Variants in ZC3H18 observed in about 807,000 individuals in gnomAD.
The protein encoded by ZC3H18 is zinc finger CCCH-type containing 18, also known as zinc finger CCCH domain-containing protein 18.
In ZC3H18, 8 loss-of-function variants were observed where a neutral mutation model predicts 106.1. The observed-to-expected ratio is 0.08, with a 90% confidence interval of 0.04 to 0.14. ZC3H18 has a LOEUF of 0.14. Ranked by LOEUF, ZC3H18 falls within the 10% of genes least tolerant of loss-of-function variation. The probability of loss-of-function intolerance (pLI) is 1.00; values close to 1 mark genes in which losing one functional copy is unlikely to be tolerated. For synonymous variants in ZC3H18, 635 were observed against 522.1 expected, an observed-to-expected ratio of 1.22 and a Z score of -2.95; for missense variants, 1,318 against 1,278.4, an observed-to-expected ratio of 1.03 and a Z score of -0.47.
chr16:88,572,862 A>G (rs546718482), intron 1 of ZC3H18, among the ~76,000 whole-genome samples: 5 of 152,046 alleles, frequency 3.3e-5, no homozygotes, highest in African/African-American at 1.2e-4. Flanking sequence ...GGTTCAAGTG[A>G]TTCTCCTGCC....
chr16:88,578,869 G>T (rs762586937), intron 2 of ZC3H18, among the ~76,000 whole-genome samples: 2 of 152,132 alleles, frequency 1.3e-5, no homozygotes, highest in African/African-American at 2.4e-5. Context: ...TGTATTTTTC[G>T]TAGAGATGAG....
At chr16:88,600,003 C>A in intron 6 of ZC3H18, 55 bp downstream of exon 6, 1 of 1,596,928 alleles carries the variant, frequency 6.3e-7, no homozygotes, top group South Asian at 1.1e-5. Context: ...GGCCACGCTC[C>A]GGAGAGAGCA....
intron 2 of ZC3H18, 75 bp from the exon 3 acceptor site, chr16:88,586,525 C>A: frequency 8.1e-7 from 1 of 1,237,790 alleles, no homozygotes; most frequent in Non-Finnish European, 1.2e-6. Context: ...CAGCTTCCTG[C>A]CCCTTCTGGT....
chr16:88,612,063 G>A (rs1905302834), intron 8 of ZC3H18, among the ~76,000 whole-genome samples: 1 of 152,146 alleles, frequency 6.6e-6, no homozygotes, highest in Non-Finnish European at 1.5e-5. Context: ...CGGAGTGGGT[G>A]CCTTGGGTGC....
intron 3 of ZC3H18, among the ~76,000 whole-genome samples, chr16:88,595,474 C>CTT (rs11302563): frequency 0.021 from 2,771 of 133,420 alleles, 39 homozygotes; most frequent in Non-Finnish European, 0.03. Flanking sequence ...TTCTTTCTTT[C>CTT]TTTTTTTTTT....
chr16:88,587,666 C>G, intron 3 of ZC3H18: 1 of 1,462,548 alleles, frequency 6.8e-7, no homozygotes, highest in Non-Finnish European at 9.3e-7. Context: ...CCCCCTACTC[C>G]AGAGGCCAGA....
intron 1 of ZC3H18, among the ~76,000 whole-genome samples, chr16:88,574,208 G>A (rs1914591346): frequency 6.6e-6 from 1 of 151,638 alleles, no homozygotes; most frequent in Admixed American, 6.6e-5. Flanking sequence ...AATTTTAAAT[G>A]ATTTGAATTT....
At chr16:88,628,197 TG>T in intron 15 of ZC3H18, 78 bp downstream of exon 15, 1 of 1,537,394 alleles carries the variant, frequency 6.5e-7, no homozygotes, top group Non-Finnish European at 8.8e-7. Context: ...AGCTTCCTCC[TG>T]GGGGACGGAG....
chr16:88,599,040 C>T (rs781468028), intron 5 of ZC3H18, among the ~76,000 whole-genome samples: 11 of 152,098 alleles, frequency 7.2e-5, no homozygotes, highest in Admixed American at 3.3e-4. Flanking sequence ...AGAGTTATAT[C>T]TAACTGTCTC....
intron 8 of ZC3H18, among the ~76,000 whole-genome samples, chr16:88,620,130 C>A (rs915449606): frequency 1.4e-4 from 22 of 152,110 alleles, no homozygotes; most frequent in African/African-American, 4.8e-4. Context: ...GTTTGCCAGC[C>A]GGTTGGTTAA....
At chr16:88,614,725 C>G (rs1351444357) in intron 8 of ZC3H18, among the ~76,000 whole-genome samples, 2 of 152,248 alleles carry the variant, frequency 1.3e-5, no homozygotes, top group African/African-American at 4.8e-5. Context: ...AACGGGGAAA[C>G]CGTCATTGAC....
intron 16 of ZC3H18, chr16:88,630,206 C>T: frequency 2.5e-6 from 1 of 398,976 alleles, no homozygotes. Flanking sequence ...TGATAAATTT[C>T]TTCAAAGCTA....
chr16:88,621,811 A>T (rs528830173), intron 8 of ZC3H18, among the ~76,000 whole-genome samples: 1 of 152,348 alleles, frequency 6.6e-6, no homozygotes, highest in Admixed American at 6.5e-5. Context: ...AATATTTATT[A>T]TGAACCTACT....
chr16:88,603,825 G>A (rs1393034937), intron 6 of ZC3H18, among the ~76,000 whole-genome samples: 1 of 150,634 alleles, frequency 6.6e-6, no homozygotes, highest in Non-Finnish European at 1.5e-5. Flanking sequence ...AGTAGAGATG[G>A]GGTTTCACCA....
chr16:88,602,872 G>C (rs1904819927), intron 6 of ZC3H18, among the ~76,000 whole-genome samples: 1 of 152,174 alleles, frequency 6.6e-6, no homozygotes, highest in Non-Finnish European at 1.5e-5. Context: ...CTTACTACAG[G>C]ATGGAGCTCT....
At chr16:88,579,533 C>T (rs904496967) in intron 2 of ZC3H18, among the ~76,000 whole-genome samples, 2 of 152,154 alleles carry the variant, frequency 1.3e-5, no homozygotes, top group African/African-American at 2.4e-5. Context: ...TTCTCAGTGC[C>T]GCACCATGGG....
At chr16:88,589,138 T>C (rs1279374347) in intron 3 of ZC3H18, among the ~76,000 whole-genome samples, 1 of 152,184 alleles carries the variant, frequency 6.6e-6, no homozygotes, top group Non-Finnish European at 1.5e-5. Context: ...ATCTCTCCAA[T>C]AACAACAAGT....
chr16:88,627,893 C>T lies in ZC3H18; in HGVS notation c.2270-27C>T, dbSNP rs1418841446. 2 of 1,613,542 alleles carry T rather than the reference C, an allele frequency of 1.2e-6. No individual in the cohort carries two copies. The highest frequency in any genetic ancestry group is 1.7e-6 in the Non-Finnish European group (2 of 1,180,024). Reference sequence around the variant, plus strand: ...GGCCATGGGAAAATCACCAGTACCCCCATGACTGCGGATTTATCATTGGTA... The same window carrying T: ...GGCCATGGGAAAATCACCAGTACCCTCATGACTGCGGATTTATCATTGGTA... On this transcript the variant is annotated intron_variant, in intron 14 of 17. Coordinates refer to ENST00000301011, the MANE Select transcript of ZC3H18 (RefSeq NM_144604.4). This position sits in a 1 kb window ranked among gnomAD's most constrained non-coding sequence, Gnocchi z 4.5.
chr16:88,607,575 C>T (rs1242872852), intron 6 of ZC3H18, among the ~76,000 whole-genome samples: 1 of 152,186 alleles, frequency 6.6e-6, no homozygotes, highest in Admixed American at 6.5e-5. Flanking sequence ...TATTCATGCA[C>T]ACTTTGTATC....
Sources: gnomAD v4.1 joint callset for allele counts (sites outside exome capture counted in the v4.1 genomes callset) on GRCh38, gnomAD v4.1.1 for gene constraint, Gnocchi (gnomAD v3.1) non-coding constraint, MANE v1.5 for transcripts, NCBI Gene and HGNC (gene_info 2026-07-23, HGNC 2026-07-21) for gene names.